Variants in TG observed in about 807,000 individuals in gnomAD.
TG encodes the protein thyroglobulin.
In TG, 270 loss-of-function variants were observed where a neutral mutation model predicts 324.7. The observed-to-expected ratio is 0.83, with a 90% CI of 0.75 to 0.92. The LOEUF is 0.92. Ranked by LOEUF, TG falls within the 40% of genes least tolerant of loss-of-function variation. The probability of loss-of-function intolerance (pLI) is 0.00; values close to 1 mark genes in which losing one functional copy is unlikely to be tolerated. For missense variants in TG, 3,591 were observed against 3,456.4 expected (o/e 1.04, Z -0.98); for synonymous variants, 1,401 against 1,327.0 (o/e 1.06, Z -1.21).
chr8:132,956,062 A>G (rs971195381), intron 27 of TG, among the ~76,000 whole-genome samples: 5 of 152,230 alleles, frequency 3.3e-5, no homozygotes, highest in Non-Finnish European at 5.9e-5. Flanking sequence ...AACTGTGATC[A>G]TTTATCAGGG....
chr8:132,920,171 G>A (rs1563956365), intron 21 of TG, among the ~76,000 whole-genome samples: 1 of 152,158 alleles, frequency 6.6e-6, no homozygotes, highest in Admixed American at 6.5e-5. Context: ...TGTATGTATG[G>A]GTGGCCTTCC....
At chr8:132,886,410 T>C (rs1285850061) in intron 8 of TG, 38 bp from the exon 9 acceptor site, 1 of 1,613,740 alleles carries the variant, frequency 6.2e-7, no homozygotes, top group Non-Finnish European at 8.5e-7. Flanking sequence ...GCTTGTGACA[T>C]TAAAACCTTT....
chr8:133,111,327 T>C (rs1850232223), intron 43 of TG, among the ~76,000 whole-genome samples: 2 of 152,238 alleles, frequency 1.3e-5, no homozygotes, highest in African/African-American at 4.8e-5. Flanking sequence ...CTCAGAATTA[T>C]GGTTCATAAA....
At chr8:132,916,632 G>A (rs146472220) in intron 20 of TG, among the ~76,000 whole-genome samples, 4 of 152,180 alleles carry the variant, frequency 2.6e-5, no homozygotes, top group Admixed American at 2.6e-4. Flanking sequence ...CTCATGACTC[G>A]TGTAGGCACA....
chr8:133,087,071 TACACACACACACAC>T (rs56028043), intron 41 of TG, among the ~76,000 whole-genome samples: 5,566 of 143,084 alleles, frequency 0.039, 205 homozygotes, highest in African/African-American at 0.095. Context: ...AATATATGTT[TACACACACACACAC>T]ACACACACAC....
chr8:132,898,820 T>A lies in TG; in HGVS notation c.3240T>A (p.Ser1080=). The part of the protein sequence containing the change: ...IPQCPTTCEK[S]RTSGLLSSWK... The stretch of plus-strand genomic sequence containing the variant: ...CAGGCCCGACAACCTGCGAGAAATC[T>A]CGAACCAGTGGGCTGCTTTCCAGTT... The change falls in exon 14 of 48, where the codon TCT becomes TCA. Residue 1080 remains serine, a synonymous_variant. Coordinates refer to ENST00000220616, the MANE Select transcript of TG (RefSeq NM_003235.5). 1 of 1,614,168 alleles carries A rather than the reference T, an allele frequency of 6.2e-7. No individual in the cohort carries two copies. The highest frequency in any genetic ancestry group is 8.5e-7 in the Non-Finnish European group (1 of 1,180,030).
At chr8:132,963,499 G>T (rs948898373) in intron 29 of TG, among the ~76,000 whole-genome samples, 1 of 152,142 alleles carries the variant, frequency 6.6e-6, no homozygotes, top group African/African-American at 2.4e-5. Context: ...TGAAAGCTGT[G>T]ATTCCAAACA....
chr8:132,929,031 C>T, intron 22 of TG, 45 bp from the exon 23 acceptor site: 1 of 1,531,324 alleles, frequency 6.5e-7, no homozygotes, highest in South Asian at 1.1e-5. Context: ...TGCAGATGCC[C>T]TACACCCTTC....
At chr8:132,937,087 A>G (rs1823719123) in intron 25 of TG, among the ~76,000 whole-genome samples, 1 of 152,186 alleles carries the variant, frequency 6.6e-6, no homozygotes, top group South Asian at 2.1e-4. Context: ...GCGAGTGTAG[A>G]ACATTTCTGT....
At chr8:132,989,758 G>A (rs1439776572) in intron 35 of TG, among the ~76,000 whole-genome samples, 1 of 152,172 alleles carries the variant, frequency 6.6e-6, no homozygotes, top group African/African-American at 2.4e-5. Context: ...CATTAAGCTG[G>A]AAACAGAGTC....
At chr8:133,102,451 C>G (rs934344994) in intron 43 of TG, 2 of 1,033,368 alleles carry the variant, frequency 1.9e-6, no homozygotes, top group Non-Finnish European at 2.9e-6. Flanking sequence ...AGGGTGGGTA[C>G]AGGATCCATC....
chr8:132,956,144 A>G (rs1781233621), intron 27 of TG, among the ~76,000 whole-genome samples: 1 of 152,216 alleles, frequency 6.6e-6, no homozygotes, highest in Non-Finnish European at 1.5e-5. Context: ...ATTTTGGGGA[A>G]TGGAGTAAAG....
chr8:132,904,456 C>T (rs188354335), intron 16 of TG, among the ~76,000 whole-genome samples: 1 of 152,194 alleles, frequency 6.6e-6, no homozygotes, highest in East Asian at 1.9e-4. Context: ...TGGGGCTGGG[C>T]CCACTGTGGA....
intron 35 of TG, among the ~76,000 whole-genome samples, chr8:132,994,009 G>T (rs150816871): frequency 6.6e-6 from 1 of 152,166 alleles, no homozygotes; most frequent in Non-Finnish European, 1.5e-5. Flanking sequence ...GGGAGCTGGC[G>T]TTTGGTACTG....
chr8:133,097,199 G>A (rs1848556929), intron 43 of TG, among the ~76,000 whole-genome samples: 2 of 152,168 alleles, frequency 1.3e-5, no homozygotes, highest in South Asian at 4.1e-4. Flanking sequence ...AGTCTAACCG[G>A]AATTTTATTA....
At chr8:133,022,462 G>C (rs1007934095) in intron 40 of TG, among the ~76,000 whole-genome samples, 7 of 152,138 alleles carry the variant, frequency 4.6e-5, no homozygotes, top group Admixed American at 3.3e-4. Flanking sequence ...AAGAAGATTA[G>C]AAACTGGCTT....
chr8:133,097,695 C>A (rs1848634222), intron 43 of TG, among the ~76,000 whole-genome samples: 2 of 152,096 alleles, frequency 1.3e-5, no homozygotes, highest in Admixed American at 1.3e-4. Flanking sequence ...TCACAACATG[C>A]AATTAACATT....
intron 41 of TG, among the ~76,000 whole-genome samples, chr8:133,068,689 C>T (rs375317366): frequency 1.3e-5 from 2 of 152,200 alleles, no homozygotes; most frequent in African/African-American, 4.8e-5. Flanking sequence ...CGTGTCAGTA[C>T]AGTGAGTGGG....
chr8:133,035,080 C>T (rs1237998533), intron 41 of TG, among the ~76,000 whole-genome samples: 6 of 152,148 alleles, frequency 3.9e-5, no homozygotes, highest in African/African-American at 1.2e-4. Context: ...ACCTTCTTCC[C>T]GTTTCCTTGG....
Sources: gnomAD v4.1 joint callset for allele counts (sites outside exome capture counted in the v4.1 genomes callset) on GRCh38, gnomAD v4.1.1 for gene constraint, MANE v1.5 for transcripts, NCBI Gene and HGNC (gene_info 2026-07-23, HGNC 2026-07-21) for gene names.